Variants in SMARCC1 observed in about 807,000 individuals in gnomAD.
The protein encoded by SMARCC1 is SWI/SNF complex subunit SMARCC1.
Under a neutral mutation model 147.4 loss-of-function variants are expected in SMARCC1, and 43 were observed. That is an observed-to-expected ratio of 0.29 (90% CI 0.23 to 0.38). The LOEUF is 0.38. Ranked by LOEUF, SMARCC1 falls within the 10% of genes least tolerant of loss-of-function variation. The probability of loss-of-function intolerance (pLI) is 1.00; values close to 1 mark genes in which losing one functional copy is unlikely to be tolerated. For missense variants in SMARCC1, 1,119 were observed against 1,381.1 expected (o/e 0.81, Z 3.01); for synonymous variants, 495 against 484.4 (o/e 1.02, Z -0.29).
At chr3:47,652,384 G>T (rs1457496452) in intron 21 of SMARCC1, among the ~76,000 whole-genome samples, 1 of 152,126 alleles carries the variant, frequency 6.6e-6, no homozygotes, top group African/African-American at 2.4e-5. Flanking sequence ...GAGGGCCTGG[G>T]CTCTTCAGCA....
intron 18 of SMARCC1, among the ~76,000 whole-genome samples, chr3:47,672,328 C>T (rs2033511858): frequency 6.6e-6 from 1 of 152,108 alleles, no homozygotes; most frequent in South Asian, 2.1e-4. Flanking sequence ...CATTCTCCTG[C>T]CTCAGCCGCT....
chr3:47,755,764 G>A (rs1257963665), intron 2 of SMARCC1, among the ~76,000 whole-genome samples: 1 of 151,392 alleles, frequency 6.6e-6, no homozygotes, highest in African/African-American at 2.4e-5. Flanking sequence ...AGGCCGAGGC[G>A]GGCCGATCAC....
chr3:47,682,190 G>A (rs187873794), intron 14 of SMARCC1, among the ~76,000 whole-genome samples: 78 of 151,482 alleles, frequency 5.1e-4, no homozygotes, highest in Admixed American at 3.7e-3. Context: ...AGCTACTCGG[G>A]AGGCTGAGAC....
intron 26 of SMARCC1, among the ~76,000 whole-genome samples, chr3:47,606,817 C>G (rs971624098): frequency 2.0e-5 from 3 of 152,046 alleles, no homozygotes; most frequent in African/African-American, 7.2e-5. Context: ...AAGTGATCCT[C>G]CAGCCTCAGC....
In SMARCC1 at chr3:47,774,236, CTT is replaced by C. The variant is rs35831016; in HGVS notation, c.196-1302_196-1301del. ...CAGCATATAAAAAGGCAATCATTTA[CTT>C]TTTTTTTTTTTTTTTTGAGATGGGG... On this transcript the variant is annotated intron_variant, in intron 1 of 27. Coordinates refer to ENST00000254480, the MANE Select transcript of SMARCC1 (RefSeq NM_003074.4). Among the ~76,000 whole-genome samples the C allele has an allele frequency of 2.2e-3, 253 of 113,378 alleles. 1 individual carries two copies. The highest frequency in any genetic ancestry group is 3.9e-3 in the African/African-American group (108 of 27,976). The allele number at this position is 113,378 out of a possible 152,430, so 74.4% of individuals were successfully genotyped here.
intron 14 of SMARCC1, among the ~76,000 whole-genome samples, chr3:47,683,908 C>T (rs535759156): frequency 1.2e-3 from 187 of 151,968 alleles, no homozygotes; most frequent in African/African-American, 4.4e-3. Flanking sequence ...AAAAGACAAA[C>T]AAAAATCATT....
intron 2 of SMARCC1, among the ~76,000 whole-genome samples, chr3:47,762,753 C>T (rs546932272): frequency 1.3e-5 from 2 of 152,112 alleles, no homozygotes; most frequent in South Asian, 4.1e-4. Flanking sequence ...GAAACCCTGT[C>T]GCTACTAAAA....
At chr3:47,763,720 TCA>T (rs1259592752) in intron 2 of SMARCC1, among the ~76,000 whole-genome samples, 1 of 151,790 alleles carries the variant, frequency 6.6e-6, no homozygotes, top group Non-Finnish European at 1.5e-5. Flanking sequence ...ACAAAATACT[TCA>T]GTTAGGTTTT....
At chr3:47,706,615 C>A in intron 9 of SMARCC1, 85 bp from the exon 10 acceptor site, 2 of 1,254,822 alleles carry the variant, frequency 1.6e-6, no homozygotes, top group Non-Finnish European at 2.1e-6. Flanking sequence ...AATCTCCACA[C>A]ACAAAGACAA....
chr3:47,703,545 G>A (rs1422815767), intron 10 of SMARCC1, among the ~76,000 whole-genome samples: 1 of 152,090 alleles, frequency 6.6e-6, no homozygotes, highest in Non-Finnish European at 1.5e-5. Context: ...GCTTCAGGAT[G>A]TAGAATAATG....
At chr3:47,773,393 A>C (rs948110065) in intron 1 of SMARCC1, among the ~76,000 whole-genome samples, 2 of 151,038 alleles carry the variant, frequency 1.3e-5, no homozygotes, top group Admixed American at 6.6e-5. Context: ...CCTCACAAAG[A>C]TAAATCTCCT....
At chr3:47,614,857 C>T (rs1449899753) in intron 25 of SMARCC1, among the ~76,000 whole-genome samples, 1 of 152,172 alleles carries the variant, frequency 6.6e-6, no homozygotes, top group Non-Finnish European at 1.5e-5. Flanking sequence ...AGCAAAAAGG[C>T]CTCTGGACTG....
At position 47,736,067 on chromosome 3, in the gene SMARCC1, A is replaced by G; in HGVS notation, c.543T>C (p.Ala181=). 1 of 1,598,696 alleles carries G rather than the reference A, an allele frequency of 6.3e-7. No homozygotes were observed. The highest frequency in any genetic ancestry group is 8.5e-7 in the Non-Finnish European group (1 of 1,170,540). ...GTTTGATGATATCTTTCAATTTGTT[A>G]GCCAACTTCAGATCAATGTCTGGAA... ...YLIPDIDLKL[A]NKLKDIIKRH... The change falls in exon 5 of 28, where the codon GCT becomes GCC. Residue 181 remains alanine (A), a synonymous_variant. Transcript: ENST00000254480.
At chr3:47,758,821 G>A (rs2034735914) in intron 2 of SMARCC1, among the ~76,000 whole-genome samples, 1 of 151,958 alleles carries the variant, frequency 6.6e-6, no homozygotes, top group Admixed American at 6.6e-5. Flanking sequence ...ATGACCTGAG[G>A]TCAGGAGTTT....
At chr3:47,701,690 T>A in intron 10 of SMARCC1, 1 of 325,836 alleles carries the variant, frequency 3.1e-6, no homozygotes. Flanking sequence ...GGCAGGCGCC[T>A]GTAATCCCAT....
At chr3:47,686,751 G>A (rs919782270) in intron 13 of SMARCC1, among the ~76,000 whole-genome samples, 2 of 152,158 alleles carry the variant, frequency 1.3e-5, no homozygotes. Context: ...TTGGGAGGCT[G>A]AGGCAGGAGG....
At chr3:47,712,504 G>C (rs2034098435) in intron 8 of SMARCC1, among the ~76,000 whole-genome samples, 1 of 152,090 alleles carries the variant, frequency 6.6e-6, no homozygotes, top group Non-Finnish European at 1.5e-5. Context: ...AAGAATGTTA[G>C]AGGAGTATGT....
At chr3:47,591,617 A>T (rs1231775468) in intron 26 of SMARCC1, among the ~76,000 whole-genome samples, 3 of 151,298 alleles carry the variant, frequency 2.0e-5, no homozygotes, top group African/African-American at 7.3e-5. Flanking sequence ...ACCTTAGCTC[A>T]TTGCAACCTC....
chr3:47,664,533 A>T (rs547934656), intron 19 of SMARCC1, among the ~76,000 whole-genome samples: 3 of 152,304 alleles, frequency 2.0e-5, no homozygotes, highest in African/African-American at 7.2e-5. Context: ...CAACAAAAAG[A>T]GTAAAAGGAG....
Sources: allele counts gnomAD v4.1 joint callset (sites outside exome capture counted in the v4.1 genomes callset), GRCh38; gene constraint gnomAD v4.1.1; transcripts MANE v1.5; gene names NCBI Gene and HGNC (gene_info 2026-07-23, HGNC 2026-07-21).